Variants in SYCP2 observed in about 807,000 individuals in gnomAD.
SYCP2 encodes synaptonemal complex lateral element protein.
In SYCP2, 55 loss-of-function variants were observed where a neutral mutation model predicts 211.3. The observed-to-expected ratio is 0.26, with a 90% CI of 0.21 to 0.33. SYCP2 has a LOEUF of 0.33. Among genes scored for constraint, SYCP2 ranks in the 10% least tolerant of loss-of-function variants. SYCP2 has a pLI of 1.00. For missense variants in SYCP2, 1,731 were observed against 1,752.0 expected (o/e 0.99, Z 0.21); for synonymous variants, 570 against 555.2 (o/e 1.03, Z -0.37).
chr20:59,931,986 AACT>A (rs936998051), intron 2 of SYCP2, 73 bp downstream of exon 2: 4 of 152,308 alleles, frequency 2.6e-5, no homozygotes, highest in Non-Finnish European at 5.9e-5. Context: ...GATCTTTAGG[AACT>A]ACTACTATGT....
chr20:59,869,673 A>G, intron 36 of SYCP2, 125 bp downstream of exon 36: 2 of 547,632 alleles, frequency 3.7e-6, no homozygotes, highest in Non-Finnish European at 6.3e-6. Context: ...TAAACATCAG[A>G]TTTTCAGGTA....
intron 5 of SYCP2, 151 bp from the exon 6 acceptor site, chr20:59,919,748 TCTTC>T (rs905740232): frequency 3.0e-4 from 151 of 499,840 alleles, no homozygotes; most frequent in Middle Eastern, 5.3e-4. Context: ...TTTTTAAAGA[TCTTC>T]CTTGTTTTTT....
In SYCP2 at chr20:59,920,469, T is replaced by C. The variant is rs1267844802; in HGVS notation, c.187A>G (p.Ile63Val). 3 of 1,602,508 alleles carry C rather than the reference T, an allele frequency of 1.9e-6. No homozygotes were observed. In the East Asian group the frequency reaches 6.7e-5, roughly 36 times the overall value. Residue 63 changes from isoleucine to valine, a missense_variant, in exon 5 of 45, where the codon ATC (isoleucine) becomes GTC (valine). Coordinates refer to ENST00000357552, the MANE Select transcript of SYCP2 (RefSeq NM_014258.4). ...ACCAAAATGGCTGAAACATTGTGGATATCCTCTTTATTAAGTTCCTGAAAT... is the reference window on the plus strand; with the variant it reads ...ACCAAAATGGCTGAAACATTGTGGACATCCTCTTTATTAAGTTCCTGAAAT... Reference protein sequence around the residue: ...LICRELNKEDIHNVSAILVSV... With the variant: ...LICRELNKEDVHNVSAILVSV...
At chr20:59,901,558 C>T (rs1289517948) in intron 16 of SYCP2, 104 bp downstream of exon 16, 15 of 702,734 alleles carry the variant, frequency 2.1e-5, no homozygotes, top group Non-Finnish European at 3.1e-5. Context: ...CTAAAATCTA[C>T]ATTTTAAGAA....
intron 15 of SYCP2, among the ~76,000 whole-genome samples, chr20:59,906,269 T>TG (rs1168376179): frequency 6.6e-6 from 1 of 152,114 alleles, no homozygotes; most frequent in Non-Finnish European, 1.5e-5. Context: ...ACCACAATGT[T>TG]GGAAGACTTA....
intron 14 of SYCP2, 33 bp from the exon 15 acceptor site, chr20:59,907,457 A>C (rs1218133194): frequency 6.4e-7 from 1 of 1,555,534 alleles, no homozygotes; most frequent in Non-Finnish European, 8.8e-7. Context: ...GGCCATAAAT[A>C]ATTTATTTCT....
At position 59,916,561 on chromosome 20, in the gene SYCP2, T is replaced by C; in HGVS notation, c.438A>G (p.Gln146=). 6.2e-7 allele frequency: 1 copy of C among 1,600,744 alleles called. No homozygotes were observed. Among genetic ancestry groups the C allele is most frequent in the Non-Finnish European group, 8.6e-7 (1 of 1,167,998 alleles). Residue 146 remains glutamine (Q), a synonymous_variant, in exon 8 of 45, where the codon CAA becomes CAG. Transcript: ENST00000357552. ...IHDVSDEGKK[Q]VVESFVPRIC... The stretch of plus-strand genomic sequence containing the variant: ...TGCGAGGTACGAAACTTTCCACTAC[T>C]TGTTTTTTACCTGAATAAAAGTGTT...
At chr20:59,882,591 T>C (rs1233053474) in intron 26 of SYCP2, among the ~76,000 whole-genome samples, 1 of 152,130 alleles carries the variant, frequency 6.6e-6, no homozygotes, top group Non-Finnish European at 1.5e-5. Flanking sequence ...CGAAATATTA[T>C]TCAGCAATAA....
chr20:59,892,252 T>C lies in SYCP2; in HGVS notation c.2102A>G (p.Lys701Arg). ...KKHNQQQNHP[K>R]YSGQKNTENA... is the part of the protein sequence containing the mutation. ...TTCAGTATTTTTCTGCCCTGAATAT[T>C]TAGGATGATTTTGTTGCTGATTGTG... Residue 701 changes from lysine (K) to arginine (R), a missense_variant, in exon 24 of 45, where the codon AAA (lysine) becomes AGA (arginine). Around this residue, in one of 3 missense-constraint regions of SYCP2, gnomAD observed 1,387 missense variants for 1,351.3 expected, o/e 1.03. Transcript: ENST00000357552. The C allele has an allele frequency of 6.2e-7, 1 of 1,612,898 alleles. No homozygotes were observed. Among genetic ancestry groups the C allele is most frequent in the Non-Finnish European group, 8.5e-7 (1 of 1,179,280 alleles).
chr20:59,930,082 T>C (rs1176013782), intron 2 of SYCP2, among the ~76,000 whole-genome samples: 1 of 152,122 alleles, frequency 6.6e-6, no homozygotes, highest in Non-Finnish European at 1.5e-5. Flanking sequence ...GCATCTCTAT[T>C]AGCTCAAAAT....
At chr20:59,888,821 AAGTC>A (rs1182416417) in intron 24 of SYCP2, among the ~76,000 whole-genome samples, 1 of 152,104 alleles carries the variant, frequency 6.6e-6, no homozygotes, top group Admixed American at 6.6e-5. Flanking sequence ...TAATATACAA[AAGTC>A]AACCACTTTC....
At chr20:59,876,426 A>T (rs2059561563) in intron 33 of SYCP2, among the ~76,000 whole-genome samples, 1 of 146,980 alleles carries the variant, frequency 6.8e-6, no homozygotes, top group African/African-American at 2.5e-5. Flanking sequence ...AAGTGATAGA[A>T]AATGTAGACC....
In SYCP2 at chr20:59,921,414, C is replaced by T; in HGVS notation, c.64G>A (p.Asp22Asn). The change falls in exon 4 of 45, where the codon GAT (aspartate) becomes AAT (asparagine). Residue 22 changes from aspartate to asparagine, a missense_variant. This residue lies in a region of SYCP2 where 335 missense variants were observed against 378.8 expected (regional missense o/e 0.88). Coordinates refer to ENST00000357552, the MANE Select transcript of SYCP2 (RefSeq NM_014258.4). ...KCIDDALRKNDFKPLKTLLQI... is the reference protein window; with the variant it reads ...KCIDDALRKNNFKPLKTLLQI... Reference sequence around the variant, plus strand: ...AAAAGTGTTTTCAAAGGTTTGAAATCATTTTTTCTTAAAGCATCATCAATG... The same window carrying T: ...AAAAGTGTTTTCAAAGGTTTGAAATTATTTTTTCTTAAAGCATCATCAATG... 6.2e-7 allele frequency: 1 copy of T among 1,604,498 alleles called. No homozygotes were observed. Among genetic ancestry groups the T allele is most frequent in the African/African-American group, 1.3e-5 (1 of 74,698 alleles).
chr20:59,873,557 C>T (rs2145625608), intron 35 of SYCP2, among the ~76,000 whole-genome samples: 1 of 152,132 alleles, frequency 6.6e-6, no homozygotes, highest in Admixed American at 6.6e-5. Context: ...ATTATCAGAC[C>T]ACAGTTGACT....
At chr20:59,907,177 A>G (rs529822904) in intron 15 of SYCP2, among the ~76,000 whole-genome samples, 187 bp downstream of exon 15, 1 of 152,302 alleles carries the variant, frequency 6.6e-6, no homozygotes, top group East Asian at 1.9e-4. Context: ...GGAGGTAAGT[A>G]CAGGGGTAGA....
At chr20:59,870,036 GC>G (rs1192760880) in intron 35 of SYCP2, 53 bp from the exon 36 acceptor site, 3 of 1,195,464 alleles carry the variant, frequency 2.5e-6, no homozygotes, top group African/African-American at 1.6e-5. Flanking sequence ...ATTGTTCAAA[GC>G]CCCCCACTTC....
intron 2 of SYCP2, among the ~76,000 whole-genome samples, chr20:59,925,395 T>C (rs535014217): frequency 1.9e-4 from 29 of 152,020 alleles, no homozygotes; most frequent in Non-Finnish European, 3.5e-4. Flanking sequence ...TCCATGAGCA[T>C]AGGATTTAAC....
At chr20:59,870,279 A>C (rs1471497334) in intron 35 of SYCP2, among the ~76,000 whole-genome samples, 1 of 151,776 alleles carries the variant, frequency 6.6e-6, no homozygotes, top group Non-Finnish European at 1.5e-5. Flanking sequence ...TTTCTGTTCT[A>C]ATCTTCATGT....
chr20:59,910,817 A>G (rs986527283), intron 14 of SYCP2, among the ~76,000 whole-genome samples: 2 of 151,774 alleles, frequency 1.3e-5, no homozygotes, highest in African/African-American at 4.8e-5. Context: ...CTCGAAAAAA[A>G]ATCAGCTTAA....
Sources: gnomAD v4.1 joint callset for allele counts (sites outside exome capture counted in the v4.1 genomes callset) on GRCh38, gnomAD v4.1.1 for gene constraint, gnomAD v4.1.1 regional missense constraint, MANE v1.5 for transcripts, NCBI Gene and HGNC (gene_info 2026-07-23, HGNC 2026-07-21) for gene names.